The following NINL variants were observed in gnomAD, a reference collection of about 807,000 sequenced individuals.
NINL encodes the protein ninein like.
Under a neutral mutation model 160.3 loss-of-function variants are expected in NINL, and 153 were observed. The ratio of observed to expected loss-of-function variants is 0.95; its 90% CI spans 0.84 to 1.09. The LOEUF (loss-of-function observed/expected upper bound fraction) is 1.09. NINL is among the 50% of genes least tolerant of loss of function. NINL has a pLI of 0.00. For synonymous variants in NINL, 800 were observed against 734.8 expected, an observed-to-expected ratio of 1.09 and a Z score of -1.43; for missense variants, 1,829 against 1,764.0, an observed-to-expected ratio of 1.04 and a Z score of -0.66.
At chr20:25,470,458 A>T (rs2063068486) in intron 17 of NINL, among the ~76,000 whole-genome samples, 1 of 152,206 alleles carries the variant, frequency 6.6e-6, no homozygotes. Flanking sequence ...GTCCTCAGGT[A>T]CTGCAGGGTA....
chr20:25,514,469 T>C (rs1479790541), intron 3 of NINL, among the ~76,000 whole-genome samples: 1 of 152,200 alleles, frequency 6.6e-6, no homozygotes, highest in African/African-American at 2.4e-5. Context: ...GTGTGAAAGT[T>C]TGGAAAATTT....
chr20:25,526,369 C>A (rs752865580), intron 2 of NINL, 39 bp downstream of exon 2: 5 of 1,565,220 alleles, frequency 3.2e-6, no homozygotes, highest in East Asian at 4.5e-5. Flanking sequence ...AACTATAGAC[C>A]CCGTGCTTTC....
At chr20:25,571,871 A>AGG (rs2065058145) in intron 1 of NINL, among the ~76,000 whole-genome samples, 2 of 120,198 alleles carry the variant, frequency 1.7e-5, no homozygotes, top group African/African-American at 6.8e-5. Context: ...CTGTCTGAAA[A>AGG]AAAAAAAAAA....
rs918669376 is a variant in NINL, at chr20:25,496,769, T to C, written c.1204A>G (p.Lys402Glu). ...GCCCTCTCCAGGTCCTGCCTTGCCT[T>C]GTCACGCTCCCTTGCCAGCTGCTCC... Reference protein sequence around the residue: ...QVEQLARERDKARQDLERAEK... With the variant: ...QVEQLARERDEARQDLERAEK... The change falls in exon 10 of 24, where the codon AAG becomes GAG. Residue 402 changes from lysine (K) to glutamate (E), a missense_variant. By Grantham distance (56) the Lys-to-Glu change is moderately conservative (BLOSUM62 1). Coordinates refer to ENST00000278886, the MANE Select transcript of NINL (RefSeq NM_025176.6). 1 of 1,614,022 alleles carries C rather than the reference T, an allele frequency of 6.2e-7. No homozygotes were observed. Among genetic ancestry groups the C allele is most frequent in the Non-Finnish European group, 8.5e-7 (1 of 1,180,014 alleles).
At chr20:25,496,609 C>CA in intron 10 of NINL, 54 bp downstream of exon 10, 1 of 1,600,194 alleles carries the variant, frequency 6.2e-7, no homozygotes, top group Non-Finnish European at 8.5e-7. Context: ...TACCTGCCCT[C>CA]AAAGGGGCTG....
intron 19 of NINL, among the ~76,000 whole-genome samples, chr20:25,464,195 T>A (rs1429378048): frequency 6.6e-6 from 1 of 152,160 alleles, no homozygotes; most frequent in African/African-American, 2.4e-5. Flanking sequence ...AGTGGAAGGA[T>A]CACCTGAGGT....
chr20:25,498,198 G>A lies in NINL; in HGVS notation c.1169+12C>T, dbSNP rs2063797098. On this transcript the variant is annotated intron_variant, in intron 9 of 23. Coordinates refer to ENST00000278886, the MANE Select transcript of NINL (RefSeq NM_025176.6). ...ACACTGCCACGTTCCCCAGTCCCCT[G>A]TGGCCTCTTACTGCTGGTAGCTCAG... 6.2e-7 allele frequency: 1 copy of A among 1,611,998 alleles called. No individual in the cohort carries two copies. Among genetic ancestry groups the A allele is most frequent in the South Asian group, 1.1e-5 (1 of 91,000 alleles).
At chr20:25,537,482 A>G (rs2064579462) in intron 1 of NINL, among the ~76,000 whole-genome samples, 1 of 152,252 alleles carries the variant, frequency 6.6e-6, no homozygotes, top group East Asian at 1.9e-4. Flanking sequence ...CTGGCTCTGC[A>G]CATACAACCC....
intron 8 of NINL, among the ~76,000 whole-genome samples, 166 bp from the exon 9 acceptor site, chr20:25,498,512 C>T (rs2063804714): frequency 2.6e-5 from 4 of 152,212 alleles, no homozygotes; most frequent in Admixed American, 1.3e-4. Flanking sequence ...GCTCCTCCTC[C>T]ATCCCACGCA....
At chr20:25,480,126 TC>T in intron 15 of NINL, 34 bp downstream of exon 15, 3 of 1,489,736 alleles carry the variant, frequency 2.0e-6, no homozygotes, top group Non-Finnish European at 2.8e-6. Context: ...CAGCAGCTAC[TC>T]CCCCAGGGCC....
intron 7 of NINL, among the ~76,000 whole-genome samples, chr20:25,501,794 A>G (rs1378646387): frequency 6.6e-6 from 1 of 152,002 alleles, no homozygotes; most frequent in Non-Finnish European, 1.5e-5. Flanking sequence ...AACCGCACCT[A>G]GATAATTTTC....
chr20:25,494,370 C>A (rs1015363265), intron 10 of NINL, among the ~76,000 whole-genome samples: 2 of 151,984 alleles, frequency 1.3e-5, no homozygotes, highest in African/African-American at 2.4e-5. Context: ...CTCACAGCAC[C>A]CACATGGCAC....
chr20:25,526,663 A>T (rs1249738994), intron 1 of NINL, 65 bp from the exon 2 acceptor site: 9 of 1,495,416 alleles, frequency 6.0e-6, no homozygotes, highest in Non-Finnish European at 7.3e-6. Flanking sequence ...CCATTCCCAC[A>T]CTGCCGGTGA....
chr20:25,478,919 G>A lies in NINL; in HGVS notation c.2201+4C>T. The A allele has an allele frequency of 1.3e-6, 2 of 1,518,574 alleles. No individual in the cohort carries two copies. The highest frequency in any genetic ancestry group is 1.3e-5 in the South Asian group (1 of 79,506). 94.1% of individuals were successfully genotyped at this position (1,518,574 alleles called of 1,614,324 possible). On this transcript the variant is annotated splice_donor_region_variant and intron_variant, in intron 16 of 23. Transcript: ENST00000278886. ...CTTGAAATCTCAAAAGAAGCTGGCT[G>A]GACCTGATCTGCTGCAGGTGGCTGT... is the stretch of plus-strand genomic sequence containing the variant.
intron 1 of NINL, among the ~76,000 whole-genome samples, chr20:25,552,479 C>A (rs1243913266): frequency 6.6e-6 from 1 of 152,220 alleles, no homozygotes; most frequent in East Asian, 1.9e-4. Context: ...GTAACATAAT[C>A]CTCTGGATTT....
chr20:25,461,511 C>G lies in NINL; in HGVS notation c.3696+11G>C. On this transcript the variant is annotated intron_variant, in intron 21 of 23. Transcript: ENST00000278886. The stretch of plus-strand genomic sequence containing the variant: ...CTGGACCCAGTGCCTCCAGCCATCG[C>G]TCACACCCACCTGGTCTTGACTTTC... 1 of 1,518,540 alleles carries G rather than the reference C, an allele frequency of 6.6e-7. No individual in the cohort carries two copies. Among genetic ancestry groups the G allele is most frequent in the South Asian group, 1.3e-5 (1 of 77,714 alleles). 94.1% of individuals were successfully genotyped at this position (1,518,540 alleles called of 1,614,324 possible).
chr20:25,489,907 G>T lies in NINL; in HGVS notation c.1564C>A (p.Gln522Lys). Residue 522 changes from glutamine (Q) to lysine (K), a missense_variant, in exon 12 of 24, where the codon CAG becomes AAG. Gln to Lys is a moderately conservative substitution (Grantham distance 53). Coordinates refer to ENST00000278886, the MANE Select transcript of NINL (RefSeq NM_025176.6). ...TTCAGCACAAACTCCAGGTCCTTCT[G>T]CAGCTTCAGGGCCAGCCTCTCCGAA... is the stretch of plus-strand genomic sequence containing the variant. ...SDSERLALKL[Q>K]KDLEFVLKDK... The T allele has an allele frequency of 1.2e-6, 2 of 1,614,142 alleles. No homozygotes were observed. Among genetic ancestry groups the T allele is most frequent in the Non-Finnish European group, 1.7e-6 (2 of 1,180,014 alleles).
intron 19 of NINL, 53 bp from the exon 20 acceptor site, chr20:25,462,594 G>T: frequency 6.9e-7 from 1 of 1,456,372 alleles, no homozygotes; most frequent in Non-Finnish European, 9.4e-7. Context: ...TAATTTTCAT[G>T]TTATATATAC....
intron 2 of NINL, among the ~76,000 whole-genome samples, chr20:25,523,284 T>A (rs527362864): frequency 6.6e-6 from 1 of 152,120 alleles, no homozygotes; most frequent in African/African-American, 2.4e-5. Flanking sequence ...CAAGGTCTCA[T>A]GCTGTTGCCC....
Sources: allele counts gnomAD v4.1 joint callset (sites outside exome capture counted in the v4.1 genomes callset), GRCh38; gene constraint gnomAD v4.1.1; transcripts MANE v1.5; gene names NCBI Gene and HGNC (gene_info 2026-07-23, HGNC 2026-07-21).